The following CCDC126 variants were observed in gnomAD, a reference collection of about 807,000 sequenced individuals.
The protein encoded by CCDC126 is coiled-coil domain-containing protein 126.
CCDC126 carries 5 observed loss-of-function variants against 11.7 expected under a neutral mutation model. The ratio of observed to expected loss-of-function variants is 0.43; its 90% CI spans 0.22 to 0.90. The LOEUF is 0.90. Among genes scored for constraint, CCDC126 ranks in the 40% least tolerant of loss-of-function variants. The pLI is 0.27. For missense variants in CCDC126, 150 were observed against 163.1 expected, an observed-to-expected ratio of 0.92 and a Z score of 0.44; for synonymous variants, 60 against 61.9, an observed-to-expected ratio of 0.97 and a Z score of 0.14.
At position 23,611,369 on chromosome 7, in the gene CCDC126, G is replaced by T. The variant is rs1782707732; in HGVS notation, c.54G>T (p.Leu18Phe). ...KNMSQKLSLL[L>F]LVFGLIWGLM... ...TGTCCCAGAAATTGAGTTTACTGTT[G>T]CTTGTATTTGGACTCATTTGGGGAT... is the stretch of plus-strand genomic sequence containing the variant. Residue 18 changes from leucine (L) to phenylalanine (F), a missense_variant, in exon 3 of 4, where the codon TTG becomes TTT. Leu to Phe is a conservative substitution (Grantham distance 22, BLOSUM62 0). Coordinates refer to ENST00000307471, the MANE Select transcript of CCDC126 (RefSeq NM_138771.4). 1 of 1,613,350 alleles carries T rather than the reference G, an allele frequency of 6.2e-7. No homozygotes were observed. Among genetic ancestry groups the T allele is most frequent in the Admixed American group, 1.7e-5 (1 of 59,950 alleles).
At chr7:23,642,538 G>A (rs530051934) in intron 3 of CCDC126, among the ~76,000 whole-genome samples, 1 of 152,110 alleles carries the variant, frequency 6.6e-6, no homozygotes, top group South Asian at 2.1e-4. Context: ...CGAGGAGTGC[G>A]GATCACCTGA....
chr7:23,612,498 A>C (rs1189304042), intron 3 of CCDC126, among the ~76,000 whole-genome samples: 3 of 143,418 alleles, frequency 2.1e-5, no homozygotes, highest in African/African-American at 8.0e-5. Flanking sequence ...AAAAAAAAAA[A>C]AAACAAAGAA....
chr7:23,622,790 A>G (rs1048553414), intron 3 of CCDC126: 3 of 477,582 alleles, frequency 6.3e-6, no homozygotes, highest in Non-Finnish European at 8.2e-6. Context: ...ACAACATTGA[A>G]TGGTTGCCAG....
chr7:23,621,344 G>A (rs1782893953), intron 3 of CCDC126, among the ~76,000 whole-genome samples: 1 of 152,132 alleles, frequency 6.6e-6, no homozygotes, highest in Non-Finnish European at 1.5e-5. Context: ...TGAAGCAATT[G>A]TGAATGGGAG....
intron 3 of CCDC126, among the ~76,000 whole-genome samples, chr7:23,637,796 G>A: frequency 1.4e-5 from 1 of 70,480 alleles, no homozygotes; most frequent in Admixed American, 1.3e-4. Context: ...GGAGGGAGGC[G>A]GGGAGGGGGG....
intron 3 of CCDC126, among the ~76,000 whole-genome samples, chr7:23,624,580 A>T (rs554495639): frequency 6.6e-6 from 1 of 152,358 alleles, no homozygotes; most frequent in South Asian, 2.1e-4. Context: ...TGTGGGTTGT[A>T]TATGGTGTCT....
chr7:23,607,300 A>T (rs927078927), intron 2 of CCDC126, among the ~76,000 whole-genome samples: 4 of 152,190 alleles, frequency 2.6e-5, no homozygotes, highest in Non-Finnish European at 4.4e-5. Context: ...CCTTGGCCTC[A>T]ATGTTGGCCT....
intron 2 of CCDC126, among the ~76,000 whole-genome samples, chr7:23,600,376 C>CT (rs1193561038): frequency 9.7e-6 from 1 of 103,314 alleles, no homozygotes; most frequent in Non-Finnish European, 2.0e-5. Context: ...CTGTGTTAAC[C>CT]CCCCCCCCCC....
Position 23,605,612 on chromosome 7 carries a change from TC to T in CCDC126, c.-145-5558del, listed in dbSNP as rs368391989. 2.6e-4 allele frequency among the ~76,000 whole-genome samples: 40 copies of T among 152,334 alleles called. 1 individual carries two copies. The South Asian group carries it at 7.9e-3, about 30-fold the overall frequency. The stretch of plus-strand genomic sequence containing the variant: ...CCCATTAAATCATAACTTTCCATTC[TC>T]TTCTTCCATGTGGTAGCATGTATCA... On this transcript the variant is annotated intron_variant, in intron 2 of 3. Transcript: ENST00000307471.
rs1200575772 is a variant in CCDC126 at position 23,643,358 on chromosome 7, G to T, written c.*243G>T. On this transcript the variant is annotated 3_prime_UTR_variant, in exon 4 of 4. Coordinates refer to ENST00000307471, the MANE Select transcript of CCDC126 (RefSeq NM_138771.4). ...TCCTTAAAGAGAATTTGGTAATTTG[G>T]TTGATGTGGTAAGCAGATAGGTGAG... 2.8e-6 allele frequency: 1 copy of T among 354,086 alleles called. No individual in the cohort carries two copies. The highest frequency in any genetic ancestry group is 5.0e-6 in the Non-Finnish European group (1 of 198,796). 21.9% of individuals were successfully genotyped at this position (354,086 alleles called of 1,614,324 possible). A position where few individuals can be genotyped will look rare whatever the true frequency, so the allele number is the denominator to read the frequency against.
At chr7:23,638,975 T>G (rs1023955945) in intron 3 of CCDC126, among the ~76,000 whole-genome samples, 2 of 151,460 alleles carry the variant, frequency 1.3e-5, no homozygotes, top group African/African-American at 4.8e-5. Context: ...TATTTATGAT[T>G]TAGTCTTACT....
At chr7:23,622,689 A>G in intron 3 of CCDC126, 1 of 531,634 alleles carries the variant, frequency 1.9e-6, no homozygotes, top group South Asian at 1.4e-5. Flanking sequence ...TGCTTAGTAC[A>G]GAGAGTAGCT....
At chr7:23,609,188 A>AT (rs111756268) in intron 2 of CCDC126, among the ~76,000 whole-genome samples, 104 of 146,244 alleles carry the variant, frequency 7.1e-4, no homozygotes, top group Middle Eastern at 7.0e-3. Flanking sequence ...TTAATTTCTA[A>AT]TTTTTTTTTT....
chr7:23,612,765 A>G (rs544865931), intron 3 of CCDC126, among the ~76,000 whole-genome samples: 1 of 152,356 alleles, frequency 6.6e-6, no homozygotes, highest in South Asian at 2.1e-4. Flanking sequence ...TTATCCTAAT[A>G]TAAGCCATCA....
At chr7:23,624,727 G>A (rs1053033829) in intron 3 of CCDC126, among the ~76,000 whole-genome samples, 1 of 152,128 alleles carries the variant, frequency 6.6e-6, no homozygotes, top group Non-Finnish European at 1.5e-5. Context: ...AACAAAAATG[G>A]CATCGTACTG....
At chr7:23,615,861 A>G (rs932424667) in intron 3 of CCDC126, among the ~76,000 whole-genome samples, 8 of 152,242 alleles carry the variant, frequency 5.3e-5, no homozygotes, top group South Asian at 2.1e-4. Context: ...AGCATCAGCA[A>G]TTGCTGATCA....
intron 2 of CCDC126, among the ~76,000 whole-genome samples, chr7:23,609,770 G>C (rs1782676167): frequency 6.6e-6 from 1 of 152,236 alleles, no homozygotes; most frequent in Non-Finnish European, 1.5e-5. Context: ...GCTGAGGCCA[G>C]AGGATAGCTT....
rs74548833 is a variant in CCDC126, at chr7:23,643,009, A to G, written c.317A>G (p.Tyr106Cys). ...GTGAAGCTGGAGAACAAAGTTGACT[A>G]TATTGTTGTGAATGGCTCAGCAGCC... ...RLVKLENKVD[Y>C]IVVNGSAANT... Residue 106 changes from tyrosine (Y) to cysteine (C), a missense_variant, in exon 4 of 4, where the codon TAT becomes TGT. Physicochemically the swap from Tyr to Cys is radical, Grantham distance 194 (BLOSUM62 -2). Transcript: ENST00000307471. 1,197 of 1,614,204 alleles carry G rather than the reference A, an allele frequency of 7.4e-4. 10 individuals carry two copies. In the African/African-American group the frequency reaches 0.013, roughly 18 times the overall value.
chr7:23,631,822 G>A (rs899470805), intron 3 of CCDC126, among the ~76,000 whole-genome samples: 1 of 151,444 alleles, frequency 6.6e-6, no homozygotes, highest in African/African-American at 2.4e-5. Context: ...AAAAAAATCT[G>A]TAGGCCCAGA....
Sources: gnomAD v4.1 joint callset for allele counts (sites outside exome capture counted in the v4.1 genomes callset) on GRCh38, gnomAD v4.1.1 for gene constraint, MANE v1.5 for transcripts, NCBI Gene and HGNC (gene_info 2026-07-23, HGNC 2026-07-21) for gene names.